CLPB: variants seen among roughly 807,000 people sequenced by gnomAD.
The protein encoded by CLPB is mitochondrial disaggregase.
Under a neutral mutation model 78.4 loss-of-function variants are expected in CLPB, and 40 were observed. That is an observed-to-expected ratio of 0.51 (90% CI 0.40 to 0.66). The LOEUF (loss-of-function observed/expected upper bound fraction) is 0.66, where lower values mean the gene tolerates loss of function less well. Ranked by LOEUF, CLPB falls within the 30% of genes least tolerant of loss-of-function variation. CLPB has a pLI of 0.00. For synonymous variants in CLPB, 333 were observed against 348.0 expected (o/e 0.96, Z 0.48); for missense variants, 780 against 886.9 (o/e 0.88, Z 1.53).
chr11:72,383,065 T>G (rs1428515976), intron 3 of CLPB, among the ~76,000 whole-genome samples: 1 of 150,686 alleles, frequency 6.6e-6, no homozygotes, highest in Non-Finnish European at 1.5e-5. Context: ...ATACAATGAA[T>G]CCAATGAAAC....
intron 4 of CLPB, among the ~76,000 whole-genome samples, chr11:72,364,759 G>A (rs1452877719): frequency 6.6e-6 from 1 of 152,060 alleles, no homozygotes; most frequent in Non-Finnish European, 1.5e-5. Flanking sequence ...TCAGCAGGCA[G>A]CAACGTGTAT....
At chr11:72,338,863 A>G (rs146824975) in intron 5 of CLPB, among the ~76,000 whole-genome samples, 10 of 152,324 alleles carry the variant, frequency 6.6e-5, no homozygotes, top group African/African-American at 1.9e-4. Context: ...TATTTGCTCA[A>G]TCAGGTACAA....
At chr11:72,332,220 T>A (rs972166704) in intron 5 of CLPB, among the ~76,000 whole-genome samples, 3 of 151,858 alleles carry the variant, frequency 2.0e-5, no homozygotes, top group African/African-American at 7.3e-5. Context: ...CAGTGGTTCA[T>A]GCCTGTAGTC....
intron 4 of CLPB, among the ~76,000 whole-genome samples, chr11:72,378,648 C>A (rs534115999): frequency 1.3e-5 from 2 of 152,186 alleles, no homozygotes; most frequent in Non-Finnish European, 2.9e-5. Flanking sequence ...GAAGACAGAG[C>A]TGAGCACTGC....
At chr11:72,377,556 C>A (rs1247158307) in intron 4 of CLPB, among the ~76,000 whole-genome samples, 4 of 151,508 alleles carry the variant, frequency 2.6e-5, no homozygotes, top group Non-Finnish European at 4.4e-5. Context: ...ACCTACCTAC[C>A]CAGAATGTAG....
At chr11:72,377,171 A>T (rs1347871715) in intron 4 of CLPB, among the ~76,000 whole-genome samples, 1 of 152,250 alleles carries the variant, frequency 6.6e-6, no homozygotes, top group Non-Finnish European at 1.5e-5. Context: ...TGAACAAAGC[A>T]GAGGAATGGA....
chr11:72,368,175 G>A (rs768137946), intron 4 of CLPB, among the ~76,000 whole-genome samples: 67 of 152,266 alleles, frequency 4.4e-4, no homozygotes, highest in Middle Eastern at 3.4e-3. Flanking sequence ...AGAGTCACAG[G>A]TGAGTCCTGA....
intron 4 of CLPB, among the ~76,000 whole-genome samples, chr11:72,362,025 A>C (rs1211052879): frequency 6.6e-6 from 1 of 152,196 alleles, no homozygotes; most frequent in Admixed American, 6.5e-5. Context: ...CCAACTAATA[A>C]GGAATGTCCA....
intron 3 of CLPB, among the ~76,000 whole-genome samples, chr11:72,382,888 G>A (rs181599613): frequency 3.9e-5 from 6 of 152,012 alleles, no homozygotes; most frequent in Admixed American, 3.3e-4. Context: ...TTCATGACCT[G>A]CCTCACAAAT....
intron 5 of CLPB, among the ~76,000 whole-genome samples, chr11:72,330,552 G>C (rs1195990457): frequency 6.6e-6 from 1 of 152,236 alleles, no homozygotes; most frequent in African/African-American, 2.4e-5. Flanking sequence ...TGGCAGTTAT[G>C]GAGGAAAGGT....
At chr11:72,372,846 T>TA (rs1951068991) in intron 4 of CLPB, 6 of 1,297,698 alleles carry the variant, frequency 4.6e-6, no homozygotes, top group Non-Finnish European at 6.7e-6. Flanking sequence ...TTATACTGAG[T>TA]AAAAGAGATA....
At chr11:72,424,585 C>T (rs1856308847) in intron 2 of CLPB, among the ~76,000 whole-genome samples, 1 of 150,998 alleles carries the variant, frequency 6.6e-6, no homozygotes, top group African/African-American at 2.4e-5. Flanking sequence ...GGTGAAACCC[C>T]ATTTCTACTT....
chr11:72,350,163 A>G (rs989718023), intron 5 of CLPB, among the ~76,000 whole-genome samples: 1 of 152,242 alleles, frequency 6.6e-6, no homozygotes, highest in Non-Finnish European at 1.5e-5. Context: ...ATACTGGGTA[A>G]AGGGCTGAGG....
At chr11:72,322,134 A>G (rs1950055050) in intron 6 of CLPB, among the ~76,000 whole-genome samples, 9 of 152,178 alleles carry the variant, frequency 5.9e-5, no homozygotes. Flanking sequence ...CTAGTCCACA[A>G]AGGACACATC....
intron 2 of CLPB, among the ~76,000 whole-genome samples, chr11:72,407,031 C>T (rs901369363): frequency 1.1e-4 from 16 of 152,194 alleles, no homozygotes; most frequent in African/African-American, 2.9e-4. Context: ...TAACTCCCCA[C>T]GGTGTGTGTC....
intron 2 of CLPB, among the ~76,000 whole-genome samples, chr11:72,426,613 G>A (rs1317167458): frequency 1.3e-5 from 2 of 152,162 alleles, no homozygotes; most frequent in Non-Finnish European, 2.9e-5. Flanking sequence ...TATAGCCAAG[G>A]GGAGTGTGAA....
chr11:72,399,899 T>C (rs1008204317), intron 3 of CLPB, among the ~76,000 whole-genome samples: 1 of 152,216 alleles, frequency 6.6e-6, no homozygotes, highest in African/African-American at 2.4e-5. Flanking sequence ...GAAAAACTTA[T>C]TGGCAGATTG....
chr11:72,325,545 A>G (rs778871504), intron 6 of CLPB, among the ~76,000 whole-genome samples: 1 of 152,206 alleles, frequency 6.6e-6, no homozygotes, highest in African/African-American at 2.4e-5. Context: ...GGGACACATC[A>G]TTCAGACCAC....
Position 72,329,683 on chromosome 11 carries a change from C to A in CLPB, c.873+24G>T, listed in dbSNP as rs201456501. The A allele has an allele frequency of 9.3e-5, 142 of 1,518,900 alleles. 1 individual carries two copies. In the East Asian group the frequency reaches 2.6e-3, roughly 28 times the overall value. 94.1% of individuals were successfully genotyped at this position (1,518,900 alleles called of 1,614,324 possible). A position where few individuals can be genotyped will look rare whatever the true frequency, so the allele number is the denominator to read the frequency against. ...AAATGATGCATGGAGTACCCACAGG[C>A]CTCCTCCCTTCCCTGAGACTTACCT... On this transcript the variant is annotated intron_variant, in intron 6 of 15. Coordinates refer to ENST00000538039, the MANE Select transcript of CLPB (RefSeq NM_001258392.3).
Sources: allele counts gnomAD v4.1 joint callset (sites outside exome capture counted in the v4.1 genomes callset), GRCh38; gene constraint gnomAD v4.1.1; transcripts MANE v1.5; gene names NCBI Gene and HGNC (gene_info 2026-07-23, HGNC 2026-07-21).